Variants in KPNA2 observed in about 807,000 individuals in gnomAD.
KPNA2 encodes the protein importin subunit alpha-1.
KPNA2 carries 20 observed loss-of-function variants against 53.7 expected under a neutral mutation model. The ratio of observed to expected loss-of-function variants is 0.37; its 90% CI spans 0.26 to 0.54. KPNA2 has a LOEUF of 0.54. Ranked by LOEUF, KPNA2 falls within the 20% of genes least tolerant of loss-of-function variation. The pLI, the probability that KPNA2 is intolerant of heterozygous loss-of-function variation, is 0.83. For missense variants in KPNA2, 515 were observed against 640.3 expected, an observed-to-expected ratio of 0.80 and a Z score of 2.11; for synonymous variants, 238 against 227.5, an observed-to-expected ratio of 1.05 and a Z score of -0.42.
At chr17:68,038,101 T>A (rs545335536) in intron 3 of KPNA2, among the ~76,000 whole-genome samples, 1 of 152,260 alleles carries the variant, frequency 6.6e-6, no homozygotes, top group East Asian at 1.9e-4. Flanking sequence ...CTCAGCCTCC[T>A]AAGTAGCTGG....
At chr17:68,039,413 G>A (rs1259637059) in intron 3 of KPNA2, among the ~76,000 whole-genome samples, 1 of 151,432 alleles carries the variant, frequency 6.6e-6, no homozygotes, top group African/African-American at 2.4e-5. Flanking sequence ...GAGCCACTTC[G>A]CCCAGCCAAA....
rs782482566 is a variant in KPNA2, at chr17:68,042,155, G to A, written c.373G>A (p.Val125Met). ...CCGGGCTGGTTTGATTCCGAAATTT[G>A]TGTCCTTCTTGGGCAGAACTGATTG... is the stretch of plus-strand genomic sequence containing the variant. ...IIRAGLIPKF[V>M]SFLGRTDCSP... Residue 125 changes from valine to methionine, a missense_variant, in exon 5 of 11, where the codon GTG becomes ATG. Transcript: ENST00000330459. 2 of 1,613,970 alleles carry A rather than the reference G, an allele frequency of 1.2e-6. No homozygotes were observed. The highest frequency in any genetic ancestry group is 2.2e-5 in the South Asian group (2 of 91,080).
At chr17:68,039,275 G>A (rs995265567) in intron 3 of KPNA2, among the ~76,000 whole-genome samples, 5 of 151,608 alleles carry the variant, frequency 3.3e-5, no homozygotes, top group Non-Finnish European at 4.4e-5. Flanking sequence ...GGATCACCAC[G>A]ATGTCTAGCT....
rs1164854754 is a variant in KPNA2, at chr17:68,045,712, T to C, written c.1348-60T>C. 2.4e-6 allele frequency: 3 copies of C among 1,264,846 alleles called. No individual in the cohort carries two copies. In the African/African-American group the frequency reaches 4.5e-5, roughly 19 times the overall value. 78.4% of individuals were successfully genotyped at this position (1,264,846 alleles called of 1,614,324 possible). ...TATCAATATTCAAATTATTGATGTT[T>C]TCTTCATTAAAATAAAACCAGAGTA... On this transcript the variant is annotated intron_variant, in intron 9 of 10. Transcript: ENST00000330459.
chr17:68,039,880 C>T (rs1418190216), intron 3 of KPNA2, among the ~76,000 whole-genome samples: 5 of 150,702 alleles, frequency 3.3e-5, no homozygotes, highest in Non-Finnish European at 1.5e-5. Context: ...CGAGACCAGC[C>T]TGACCAACAT....
At position 68,045,932 on chromosome 17, in the gene KPNA2, G is replaced by C. The variant is rs781991388; in HGVS notation, c.1497+11G>C. 3 of 1,508,536 alleles carry C rather than the reference G, an allele frequency of 2.0e-6. No individual in the cohort carries two copies. The East Asian group carries it at 6.9e-5, about 34-fold the overall frequency. The allele number at this position is 1,508,536 out of a possible 1,614,324, so 93.4% of individuals were successfully genotyped here. On this transcript the variant is annotated intron_variant, in intron 10 of 10. Coordinates refer to ENST00000330459, the MANE Select transcript of KPNA2 (RefSeq NM_002266.4). ...TATTTCTCTGTAGAGGTGAGTAATG[G>C]ATGGTAATATTAATAACAACTTGGA...
At chr17:68,038,441 CTA>C (rs1157972327) in intron 3 of KPNA2, among the ~76,000 whole-genome samples, 9 of 152,286 alleles carry the variant, frequency 5.9e-5, no homozygotes, top group Non-Finnish European at 7.4e-5. Flanking sequence ...TTGGTATTCT[CTA>C]TGTTTTTGTA....
Position 68,043,230 on chromosome 17 carries a change from A to G in KPNA2, c.797A>G (p.Glu266Gly). ...LVRLLHHDDPEVLADTCWAIS... is the reference protein window; with the variant it reads ...LVRLLHHDDPGVLADTCWAIS... ...CGGCTCCTGCATCATGATGATCCAG[A>G]AGTATTAGCAGATACCTGCTGGGCT... is the stretch of plus-strand genomic sequence containing the variant. The change falls in exon 7 of 11, where the codon GAA becomes GGA. Residue 266 changes from glutamate (E) to glycine (G), a missense_variant. By Grantham distance (98) the Glu-to-Gly change is moderately conservative (BLOSUM62 -2). Coordinates refer to ENST00000330459, the MANE Select transcript of KPNA2 (RefSeq NM_002266.4). The G allele has an allele frequency of 6.2e-7, 1 of 1,614,116 alleles. No individual in the cohort carries two copies. The highest frequency in any genetic ancestry group is 8.5e-7 in the Non-Finnish European group (1 of 1,179,992).
intron 9 of KPNA2, among the ~76,000 whole-genome samples, chr17:68,045,113 G>C (rs2071313025): frequency 6.7e-6 from 1 of 148,790 alleles, no homozygotes; most frequent in Non-Finnish European, 1.5e-5. Flanking sequence ...AAAAAAAGTT[G>C]AGCCTTCAAT....
intron 3 of KPNA2, 29 bp downstream of exon 3, chr17:68,037,524 A>G: frequency 6.2e-7 from 1 of 1,600,024 alleles, no homozygotes; most frequent in East Asian, 2.2e-5. Context: ...TTTATGAGTT[A>G]CGTGAAATCC....
intron 5 of KPNA2, among the ~76,000 whole-genome samples, chr17:68,042,601 G>A (rs549116487): frequency 9.2e-5 from 14 of 152,152 alleles, no homozygotes; most frequent in South Asian, 4.2e-4. Context: ...ATCTTGCCTC[G>A]GCCGGGCATG....
chr17:68,039,711 T>TG (rs2071231661), intron 3 of KPNA2, among the ~76,000 whole-genome samples: 1 of 133,216 alleles, frequency 7.5e-6, no homozygotes, highest in African/African-American at 2.9e-5. Flanking sequence ...ACCCGGGAGG[T>TG]GGAGGCGGTG....
chr17:68,045,932 G>A lies in KPNA2; in HGVS notation c.1497+11G>A. 1 of 1,508,654 alleles carries A rather than the reference G, an allele frequency of 6.6e-7. No homozygotes were observed. The highest frequency in any genetic ancestry group is 8.9e-7 in the Non-Finnish European group (1 of 1,117,914). The allele number at this position is 1,508,654 out of a possible 1,614,324, so 93.5% of individuals were successfully genotyped here. On this transcript the variant is annotated intron_variant, in intron 10 of 10. Transcript: ENST00000330459. ...TATTTCTCTGTAGAGGTGAGTAATG[G>A]ATGGTAATATTAATAACAACTTGGA...
chr17:68,043,370 T>TA lies in KPNA2; in HGVS notation c.930+8dup, dbSNP rs782299351. On this transcript the variant is annotated splice_region_variant and intron_variant, in intron 7 of 10. Transcript: ENST00000330459. Reference sequence around the variant, plus strand: ...TTCTGAATTGCCAATTGTGGTAAGTTATTTACTTGTAGATTAGGACATAAG... The same window carrying TA: ...TTCTGAATTGCCAATTGTGGTAAGTTAATTTACTTGTAGATTAGGACATAAG... The TA allele has an allele frequency of 1.1e-4, 172 of 1,613,428 alleles. No individual in the cohort carries two copies. Among genetic ancestry groups the TA allele is most frequent in the Non-Finnish European group, 1.4e-4 (165 of 1,179,718 alleles).
chr17:68,045,682 TGAC>T, intron 9 of KPNA2, 87 bp from the exon 10 acceptor site: 1 of 957,156 alleles, frequency 1.0e-6, no homozygotes, highest in South Asian at 2.1e-5. Context: ...TATTTCTGCC[TGAC>T]GTATCAATAT....
chr17:68,038,101 T>C (rs545335536), intron 3 of KPNA2, among the ~76,000 whole-genome samples: 1 of 152,142 alleles, frequency 6.6e-6, no homozygotes, highest in Admixed American at 6.6e-5. Context: ...CTCAGCCTCC[T>C]AAGTAGCTGG....
Position 68,035,784 on chromosome 17 carries a change from T to C in KPNA2, c.-80T>C, listed in dbSNP as rs12752. The C allele has an allele frequency of 0.25, 38,429 of 152,404 alleles. 5,814 individuals carry two copies. The highest frequency in any genetic ancestry group is 0.72 in the East Asian group (3,695 of 5,160). 9.4% of individuals were successfully genotyped at this position (152,404 alleles called of 1,614,324 possible). On this transcript the variant is annotated 5_prime_UTR_variant, in exon 1 of 11. Transcript: ENST00000330459. ...GTGGACCCTTTGAACGCAGTCGCCC[T>C]ACAGCCGCTGATTCCCCCCGCATCG... is the stretch of plus-strand genomic sequence containing the variant.
At chr17:68,043,566 C>G (rs1454254789) in intron 7 of KPNA2, among the ~76,000 whole-genome samples, 3 of 151,660 alleles carry the variant, frequency 2.0e-5, no homozygotes, top group African/African-American at 7.3e-5. Context: ...ATTATCTGGA[C>G]ATGGTGGCAC....
rs782014989 is a variant in KPNA2, at chr17:68,042,124, C to T, written c.342C>T (p.Asn114=). Residue 114 remains asparagine (N), a synonymous_variant, in exon 5 of 11, where the codon AAC becomes AAT. Coordinates refer to ENST00000330459, the MANE Select transcript of KPNA2 (RefSeq NM_002266.4). ...LSREKQPPID[N]IIRAGLIPKF... Reference sequence around the variant, plus strand: ...GAGAAAAACAGCCCCCCATAGACAACATAATCCGGGCTGGTTTGATTCCGA... The same window carrying T: ...GAGAAAAACAGCCCCCCATAGACAATATAATCCGGGCTGGTTTGATTCCGA... The T allele has an allele frequency of 1.9e-6, 3 of 1,613,980 alleles. No individual in the cohort carries two copies. The highest frequency in any genetic ancestry group is 2.5e-6 in the Non-Finnish European group (3 of 1,179,826).
Sources: gnomAD v4.1 joint callset for allele counts (sites outside exome capture counted in the v4.1 genomes callset) on GRCh38, gnomAD v4.1.1 for gene constraint, MANE v1.5 for transcripts, NCBI Gene and HGNC (gene_info 2026-07-23, HGNC 2026-07-21) for gene names.